LINGO1: variants seen among roughly 807,000 people sequenced by gnomAD.
LINGO1 encodes the protein leucine rich repeat and Ig domain containing 1.
Under a neutral mutation model 37.3 loss-of-function variants are expected in LINGO1, and 11 were observed. The observed-to-expected ratio is 0.29, with a 90% CI of 0.19 to 0.49. The LOEUF is 0.49. Among genes scored for constraint, LINGO1 ranks in the 20% least tolerant of loss-of-function variants. The probability of loss-of-function intolerance (pLI) is 0.99; values close to 1 mark genes in which losing one functional copy is unlikely to be tolerated. For missense variants in LINGO1, 585 were observed against 878.2 expected, an observed-to-expected ratio of 0.67 and a Z score of 4.22; for synonymous variants, 387 against 403.0, an observed-to-expected ratio of 0.96 and a Z score of 0.48.
chr15:77,810,976 C>A (rs2077000933), intron 1 of LINGO1, among the ~76,000 whole-genome samples: 1 of 152,026 alleles, frequency 6.6e-6, no homozygotes, highest in Non-Finnish European at 1.5e-5. Flanking sequence ...CCCCCAGAAG[C>A]TCACCCCCTT....
upstream of LINGO1, among the ~76,000 whole-genome samples, chr15:77,700,214 C>G (rs112136448): frequency 7.2e-5 from 11 of 152,170 alleles, no homozygotes; most frequent in South Asian, 2.1e-4. Flanking sequence ...GCTCCTCCCC[C>G]CAACACACCT....
intron 1 of LINGO1, among the ~76,000 whole-genome samples, chr15:77,770,502 G>T (rs961426899): frequency 6.7e-6 from 1 of 148,790 alleles, no homozygotes; most frequent in Non-Finnish European, 1.5e-5. Context: ...CAGGAGAATT[G>T]CTTGAACCCA....
chr15:77,812,720 T>A (rs1028247336), intron 1 of LINGO1, among the ~76,000 whole-genome samples: 1 of 152,218 alleles, frequency 6.6e-6, no homozygotes, highest in Non-Finnish European at 1.5e-5. Flanking sequence ...TAATGGAGAT[T>A]TATCAGTACC....
At chr15:77,765,126 G>C (rs745459977) in intron 1 of LINGO1, among the ~76,000 whole-genome samples, 35 of 152,134 alleles carry the variant, frequency 2.3e-4, no homozygotes, top group Non-Finnish European at 4.0e-4. Flanking sequence ...GCAGAACTGG[G>C]AAAGCAGGCC....
intron 1 of LINGO1, chr15:77,696,168 C>T (rs2075690224): frequency 6.6e-6 from 1 of 152,254 alleles, no homozygotes; most frequent in Non-Finnish European, 1.5e-5. Context: ...AACTGCCGGC[C>T]TCTCCAGGGA....
intron 1 of LINGO1, among the ~76,000 whole-genome samples, chr15:77,799,576 C>T (rs2076900587): frequency 6.6e-6 from 1 of 152,160 alleles, no homozygotes; most frequent in Non-Finnish European, 1.5e-5. Flanking sequence ...AGACTTGCCT[C>T]CTCCTCCCCC....
chr15:77,699,627 C>CCATCACCTGCACACAG (rs2075748659), upstream of LINGO1, among the ~76,000 whole-genome samples: 2 of 2,234 alleles, frequency 9.0e-4, no homozygotes, highest in African/African-American at 3.4e-3. Flanking sequence ...TCTGCACAAA[C>CCATCACCTGCACACAG]TAAACACATA....
intron 2 of LINGO1, among the ~76,000 whole-genome samples, chr15:77,710,198 C>T (rs1256422921): frequency 2.0e-5 from 3 of 152,240 alleles, no homozygotes; most frequent in Non-Finnish European, 2.9e-5. Context: ...CTCAGCTCCA[C>T]CCTTCACGTG....
chr15:77,736,858 C>T (rs948868032), intron 1 of LINGO1, among the ~76,000 whole-genome samples: 73 of 152,230 alleles, frequency 4.8e-4, no homozygotes, highest in African/African-American at 1.7e-3. Flanking sequence ...ACCAGTAAGC[C>T]GCCTGAGTTT....
chr15:77,659,459 G>A (rs539903494), intron 3 of LINGO1, among the ~76,000 whole-genome samples: 17 of 152,282 alleles, frequency 1.1e-4, no homozygotes, highest in Admixed American at 4.6e-4. Flanking sequence ...ACACTCTTTC[G>A]GTTCCCACTT....
chr15:77,613,332 AC>A lies in LINGO1; in HGVS notation c.*711del, dbSNP rs1042184141. 2 of 152,420 alleles carry A rather than the reference AC, an allele frequency of 1.3e-5. No homozygotes were observed. Among genetic ancestry groups the A allele is most frequent in the Non-Finnish European group, 2.9e-5 (2 of 68,290 alleles). The allele number at this position is 152,420 out of a possible 1,614,324, so 9.4% of individuals were successfully genotyped here. A position where few individuals can be genotyped will look rare whatever the true frequency, so the allele number is the denominator to read the frequency against. On this transcript the variant is annotated 3_prime_UTR_variant, in exon 2 of 2. Transcript: ENST00000355300. ...TCAGCCACACCCAAGCCAGGCTCCC[AC>A]CCCTTGCAGTGGTGCCGCCTGGCAG...
chr15:77,810,394 G>T (rs895751625), intron 1 of LINGO1, among the ~76,000 whole-genome samples: 1 of 152,108 alleles, frequency 6.6e-6, no homozygotes, highest in Non-Finnish European at 1.5e-5. Context: ...GAGAGGGACA[G>T]CGAGGAGGGC....
intron 1 of LINGO1, among the ~76,000 whole-genome samples, chr15:77,806,712 C>A (rs549586132): frequency 5.9e-5 from 9 of 152,154 alleles, no homozygotes; most frequent in African/African-American, 7.2e-5. Flanking sequence ...CCCGACCCCC[C>A]AGTCCAGGGA....
rs187087290 is a variant in LINGO1, at chr15:77,713,351, T to A, written c.-195+21641A>T. Among the ~76,000 whole-genome samples the A allele has an allele frequency of 2.0e-5, 3 of 151,962 alleles. 1 individual carries two copies. In the East Asian group the frequency reaches 5.8e-4, roughly 29 times the overall value. On this transcript the variant is annotated intron_variant, in intron 2 of 3. Coordinates refer to the LINGO1 transcript ENST00000561686. ...CCTCGGCCTCCCAAAGTGCTGGGAT[T>A]ACAAGCGTGAGCCACTGTGCCCAGC...
chr15:77,793,958 G>A (rs1480922584), intron 2 of LINGO1, among the ~76,000 whole-genome samples: 1 of 152,196 alleles, frequency 6.6e-6, no homozygotes, highest in Non-Finnish European at 1.5e-5. Context: ...GCTTAGCCCA[G>A]GTGTCACCTG....
chr15:77,671,307 T>C (rs2075244432), intron 3 of LINGO1, among the ~76,000 whole-genome samples: 1 of 122,414 alleles, frequency 8.2e-6, no homozygotes, highest in Non-Finnish European at 1.8e-5. Context: ...AGGGAGAAGG[T>C]AGAGGGAGAG....
At chr15:77,768,344 C>T (rs563519072) in intron 1 of LINGO1, among the ~76,000 whole-genome samples, 11 of 152,316 alleles carry the variant, frequency 7.2e-5, no homozygotes, top group Admixed American at 2.6e-4. Flanking sequence ...AGTCTGCCCC[C>T]GCCAGAGGCC....
At chr15:77,784,393 C>T (rs535854194) in intron 1 of LINGO1, among the ~76,000 whole-genome samples, 61 of 152,386 alleles carry the variant, frequency 4.0e-4, no homozygotes, top group Non-Finnish European at 7.1e-4. Flanking sequence ...ACAGGTAAGG[C>T]TGCCCTAGCA....
At chr15:77,717,133 G>GGAGTGCA (rs2075994079) in intron 2 of LINGO1, among the ~76,000 whole-genome samples, 1 of 150,548 alleles carries the variant, frequency 6.6e-6, no homozygotes, top group Non-Finnish European at 1.5e-5. Context: ...GCCACCCAGA[G>GGAGTGCA]GAGTGCAGCA....
Sources: gnomAD v4.1 joint callset for allele counts (sites outside exome capture counted in the v4.1 genomes callset) on GRCh38, gnomAD v4.1.1 for gene constraint, MANE v1.5 for transcripts, NCBI Gene and HGNC (gene_info 2026-07-23, HGNC 2026-07-21) for gene names.